The following TENM4 variants were observed in gnomAD, a reference collection of about 807,000 sequenced individuals.
TENM4 encodes teneurin-4.
A neutral mutation model predicts 243.3 loss-of-function variants in TENM4; 82 were observed. That is an observed-to-expected ratio of 0.34 (90% CI 0.28 to 0.40). TENM4 has a LOEUF of 0.40. Among genes scored for constraint, TENM4 ranks in the 10% least tolerant of loss-of-function variants. TENM4 has a pLI of 1.00. For missense variants in TENM4, 3,138 were observed against 3,673.3 expected (o/e 0.85, Z 3.77); for synonymous variants, 1,412 against 1,456.3 (o/e 0.97, Z 0.69).
At chr11:79,122,763 C>T (rs893935531) in intron 4 of TENM4, among the ~76,000 whole-genome samples, 8 of 152,182 alleles carry the variant, frequency 5.3e-5, no homozygotes, top group African/African-American at 1.2e-4. Flanking sequence ...TCCATCCTTC[C>T]CCCACTAAAG....
chr11:79,078,101 C>A (rs980376985), intron 4 of TENM4, among the ~76,000 whole-genome samples: 6 of 152,140 alleles, frequency 3.9e-5, no homozygotes, highest in African/African-American at 1.4e-4. Context: ...CAGTACAGTG[C>A]TCGAAAAAAC....
In TENM4 at chr11:79,233,159, C is replaced by A. The variant is rs575896177; in HGVS notation, c.-264-17250G>T. On this transcript the variant is annotated intron_variant, in intron 2 of 33. Coordinates refer to ENST00000278550, the MANE Select transcript of TENM4 (RefSeq NM_001098816.3). Reference sequence around the variant, plus strand: ...AGTCAGACGCCATGCCTTGGGTTTCCCTTCCCAAACAATGTTATTTACTAA... The same window carrying A: ...AGTCAGACGCCATGCCTTGGGTTTCACTTCCCAAACAATGTTATTTACTAA... Among the ~76,000 whole-genome samples, 8 of 152,314 alleles carry A rather than the reference C, an allele frequency of 5.3e-5. No homozygotes were observed. In the East Asian group the frequency reaches 5.8e-4, roughly 11 times the overall value.
At chr11:78,729,337 C>T (rs1394709716) in intron 22 of TENM4, 39 bp downstream of exon 22, 3 of 1,540,006 alleles carry the variant, frequency 1.9e-6, no homozygotes, top group African/African-American at 2.7e-5. Context: ...GTCCTCCCTG[C>T]AAGAGCTATT....
At chr11:78,672,412 T>A in intron 30 of TENM4, 83 bp from the exon 31 acceptor site, 1 of 1,462,116 alleles carries the variant, frequency 6.8e-7, no homozygotes, top group Non-Finnish European at 9.3e-7. Flanking sequence ...CTCTCAGCTC[T>A]GCTGGGAAGC....
intron 2 of TENM4, among the ~76,000 whole-genome samples, chr11:79,255,809 A>G (rs867878006): frequency 8.5e-5 from 13 of 152,206 alleles, no homozygotes; most frequent in Admixed American, 4.6e-4. Flanking sequence ...GGTTTGTTCA[A>G]TCTTCTCTTC....
rs538319778 is a variant in TENM4, at chr11:79,203,861, A to G, written c.-163+11947T>C. Among the ~76,000 whole-genome samples, 14 of 152,348 alleles carry G rather than the reference A, an allele frequency of 9.2e-5. No individual in the cohort carries two copies. In the South Asian group the frequency reaches 2.9e-3, roughly 32 times the overall value. ...TGTGCTGTATTCACATGAAAATGAA[A>G]TTGTGGAAAGTGAAAGTGCTATATT... is the stretch of plus-strand genomic sequence containing the variant. On this transcript the variant is annotated intron_variant, in intron 3 of 33. Transcript: ENST00000278550.
intron 6 of TENM4, among the ~76,000 whole-genome samples, chr11:78,919,612 A>ACAGGC (rs1415315207): frequency 1.3e-5 from 2 of 152,066 alleles, no homozygotes; most frequent in African/African-American, 4.8e-5. Flanking sequence ...TCATATGAGG[A>ACAGGC]ATGCCTGCCT....
At chr11:79,326,677 G>A (rs115680644) in intron 1 of TENM4, among the ~76,000 whole-genome samples, 1,951 of 152,232 alleles carry the variant, frequency 0.013, 45 homozygotes, top group African/African-American at 0.045. Context: ...CCTGAGAATC[G>A]CCATATTCTG....
At chr11:78,814,911 A>G (rs114899445) in intron 12 of TENM4, among the ~76,000 whole-genome samples, 2,610 of 152,280 alleles carry the variant, frequency 0.017, 105 homozygotes, top group African/African-American at 0.06. Context: ...TGGAGCCACT[A>G]CACCAGCCTG....
At chr11:79,274,899 G>T (rs138608285) in intron 2 of TENM4, among the ~76,000 whole-genome samples, 1 of 152,130 alleles carries the variant, frequency 6.6e-6, no homozygotes, top group African/African-American at 2.4e-5. Context: ...ACTTCTCCCC[G>T]GGCCTCAGTT....
At chr11:79,305,428 C>T (rs1299823107) in intron 1 of TENM4, among the ~76,000 whole-genome samples, 1 of 152,048 alleles carries the variant, frequency 6.6e-6, no homozygotes, top group Non-Finnish European at 1.5e-5. Context: ...CAAAGTGTTA[C>T]TGGTGGATGG....
chr11:79,400,373 G>C (rs1267823542), intron 1 of TENM4, among the ~76,000 whole-genome samples: 1 of 151,618 alleles, frequency 6.6e-6, no homozygotes, highest in Non-Finnish European at 1.5e-5. Context: ...CACATACCTG[G>C]AACAAATTGC....
chr11:79,381,821 A>G (rs987041804), intron 1 of TENM4, among the ~76,000 whole-genome samples: 1 of 152,060 alleles, frequency 6.6e-6, no homozygotes, highest in Non-Finnish European at 1.5e-5. Flanking sequence ...GATTTCCCTC[A>G]GACCACACAG....
chr11:79,024,657 A>G (rs1859028357), intron 6 of TENM4, among the ~76,000 whole-genome samples: 1 of 152,152 alleles, frequency 6.6e-6, no homozygotes. Flanking sequence ...TGCATCCTCC[A>G]TAGACTCTAG....
At chr11:78,925,773 C>A (rs891757810) in intron 6 of TENM4, among the ~76,000 whole-genome samples, 1 of 152,124 alleles carries the variant, frequency 6.6e-6, no homozygotes, top group East Asian at 1.9e-4. Flanking sequence ...CCTTTTACAG[C>A]CTTGTCAGTC....
At chr11:78,849,289 ACTT>A (rs1858476808) in intron 12 of TENM4, among the ~76,000 whole-genome samples, 1 of 152,204 alleles carries the variant, frequency 6.6e-6, no homozygotes, top group African/African-American at 2.4e-5. Context: ...TCTCAAGAAA[ACTT>A]CTTGGGTTGA....
chr11:79,293,231 T>G (rs1325496994), intron 2 of TENM4, among the ~76,000 whole-genome samples: 2 of 152,220 alleles, frequency 1.3e-5, no homozygotes, highest in Non-Finnish European at 2.9e-5. Flanking sequence ...TTTGGCATAT[T>G]TATTAACTCT....
rs765617077 is a variant in TENM4 at position 78,676,356 on chromosome 11, G to A, written c.5292C>T (p.Ala1764=). The A allele has an allele frequency of 1.6e-5, 26 of 1,606,580 alleles. No homozygotes were observed. In the South Asian group the frequency reaches 2.0e-4, roughly 12 times the overall value. Residue 1764 remains alanine, a synonymous_variant, in exon 30 of 34, where the codon GCC becomes GCT. Coordinates refer to ENST00000278550, the MANE Select transcript of TENM4 (RefSeq NM_001098816.3). ...DQVRNSYYIG[A]DGSLRLLLAN... Reference sequence around the variant, plus strand: ...CCAGCAGCAGCCGCAAGGAGCCATCGGCCCCGATGTAGTAGCTGTTCCGGA... The same window carrying A: ...CCAGCAGCAGCCGCAAGGAGCCATCAGCCCCGATGTAGTAGCTGTTCCGGA...
intron 3 of TENM4, among the ~76,000 whole-genome samples, chr11:79,215,488 G>T (rs1209210869): frequency 6.6e-6 from 1 of 151,998 alleles, no homozygotes; most frequent in East Asian, 1.9e-4. Flanking sequence ...TCTGGTCCTA[G>T]ACCGACATGT....
Sources: gnomAD v4.1 joint callset for allele counts (sites outside exome capture counted in the v4.1 genomes callset) on GRCh38, gnomAD v4.1.1 for gene constraint, MANE v1.5 for transcripts, NCBI Gene and HGNC (gene_info 2026-07-23, HGNC 2026-07-21) for gene names.